SERINC5: variants seen among roughly 807,000 people sequenced by gnomAD.
SERINC5 encodes the protein serine incorporator 5.
Under a neutral mutation model 63.1 loss-of-function variants are expected in SERINC5, and 41 were observed. That is an observed-to-expected ratio of 0.65 (90% CI 0.51 to 0.84). The LOEUF (loss-of-function observed/expected upper bound fraction) is 0.84, where lower values mean the gene tolerates loss of function less well. SERINC5 is among the 40% of genes least tolerant of loss of function. The pLI is 0.00. For missense variants in SERINC5, 523 were observed against 573.0 expected, an observed-to-expected ratio of 0.91 and a Z score of 0.89; for synonymous variants, 222 against 215.2, an observed-to-expected ratio of 1.03 and a Z score of -0.28.
At chr5:80,152,999 C>T (rs764374064) in intron 8 of SERINC5, among the ~76,000 whole-genome samples, 1 of 152,166 alleles carries the variant, frequency 6.6e-6, no homozygotes, top group African/African-American at 2.4e-5. Context: ...TTTGGGTTAA[C>T]GTAATTTCCG....
In SERINC5 at chr5:80,201,194, C is replaced by T. The variant is rs536552558; in HGVS notation, c.195+1692G>A. 3.3e-5 allele frequency among the ~76,000 whole-genome samples: 5 copies of T among 152,300 alleles called. No homozygotes were observed. The East Asian group carries it at 7.7e-4, about 24-fold the overall frequency. ...GCAAACGTTTGCTCAGGTGTTGCCC[C>T]GGGCAATGTCATCCCTACTGTGGGC... On this transcript the variant is annotated intron_variant, in intron 2 of 11. Coordinates refer to ENST00000507668, the MANE Select transcript of SERINC5 (RefSeq NM_001174072.3).
intron 7 of SERINC5, among the ~76,000 whole-genome samples, chr5:80,164,921 T>TTTTG: frequency 7.2e-6 from 1 of 139,462 alleles, no homozygotes; most frequent in African/African-American, 2.7e-5. Context: ...TTTTTTTTTT[T>TTTTG]TTTTTTTTTT....
intron 1 of SERINC5, among the ~76,000 whole-genome samples, chr5:80,222,408 C>T (rs1203265098): frequency 2.0e-5 from 3 of 152,080 alleles, no homozygotes; most frequent in African/African-American, 4.8e-5. Flanking sequence ...TAGGTGTCTA[C>T]AAGGAGACTC....
At chr5:80,192,033 C>G (rs752097475) in intron 2 of SERINC5, among the ~76,000 whole-genome samples, 1 of 152,226 alleles carries the variant, frequency 6.6e-6, no homozygotes, top group Non-Finnish European at 1.5e-5. Context: ...GGAACATAGC[C>G]ACACTGGTTG....
chr5:80,167,627 CT>C (rs1175957177), intron 6 of SERINC5, among the ~76,000 whole-genome samples: 23 of 152,210 alleles, frequency 1.5e-4, no homozygotes, highest in Admixed American at 8.5e-4. Context: ...GTTTTTAGGT[CT>C]TTGAGGAATT....
At chr5:80,192,665 GA>G (rs1749261826) in intron 2 of SERINC5, among the ~76,000 whole-genome samples, 2 of 152,252 alleles carry the variant, frequency 1.3e-5, no homozygotes, top group South Asian at 4.1e-4. Context: ...CCAGCATGTC[GA>G]AAGATAATTT....
At chr5:80,206,984 A>G (rs2112501963) in intron 1 of SERINC5, among the ~76,000 whole-genome samples, 1 of 151,066 alleles carries the variant, frequency 6.6e-6, no homozygotes, top group East Asian at 1.9e-4. Flanking sequence ...GTGGTCTTAG[A>G]TAACTTCTCA....
chr5:80,213,245 C>CAAAAAAAAAAAGAAAG (rs57289084), intron 1 of SERINC5, among the ~76,000 whole-genome samples: 2 of 132,686 alleles, frequency 1.5e-5, no homozygotes, highest in African/African-American at 2.9e-5. Flanking sequence ...GACTGCATCT[C>CAAAAAAAAAAAGAAAG]AAAGAAAGAA....
At chr5:80,131,053 T>A (rs1744926645) in intron 11 of SERINC5, among the ~76,000 whole-genome samples, 2 of 152,212 alleles carry the variant, frequency 1.3e-5, no homozygotes, top group Admixed American at 1.3e-4. Context: ...ACTGAAAATG[T>A]AATACATATT....
chr5:80,237,644 C>T (rs1308385729), intron 1 of SERINC5, among the ~76,000 whole-genome samples: 1 of 151,934 alleles, frequency 6.6e-6, no homozygotes, highest in Non-Finnish European at 1.5e-5. Context: ...GTTGCCAGTT[C>T]TCTCTAATAA....
intron 5 of SERINC5, among the ~76,000 whole-genome samples, chr5:80,172,262 G>A (rs545227905): frequency 3.8e-4 from 57 of 151,962 alleles, no homozygotes; most frequent in African/African-American, 1.3e-3. Flanking sequence ...CAGAGGCTGC[G>A]GTGAGCCCAG....
intron 1 of SERINC5, among the ~76,000 whole-genome samples, chr5:80,228,034 C>A (rs112599366): frequency 0.11 from 15,843 of 145,804 alleles, 967 homozygotes; most frequent in Middle Eastern, 0.14. Flanking sequence ...CCAGCCTGGG[C>A]AACATGGCAA....
intron 1 of SERINC5, among the ~76,000 whole-genome samples, chr5:80,216,068 G>A (rs1383393398): frequency 1.3e-5 from 2 of 152,170 alleles, no homozygotes; most frequent in Non-Finnish European, 2.9e-5. Context: ...AGGTTGGTGA[G>A]ATCTATAAGG....
intron 9 of SERINC5, among the ~76,000 whole-genome samples, chr5:80,150,394 C>T (rs1055354768): frequency 2.0e-5 from 3 of 152,156 alleles, no homozygotes; most frequent in African/African-American, 7.2e-5. Context: ...TCATTTTAAT[C>T]CCATAGCATA....
chr5:80,143,262 C>T lies in SERINC5; in HGVS notation c.*401G>A, dbSNP rs148748169. ...TGAGAGGGGTCTGGATTCTGTTAGGCGCTGGGGACTCAAGATTTTGGCATG... is the reference window on the plus strand; with the variant it reads ...TGAGAGGGGTCTGGATTCTGTTAGGTGCTGGGGACTCAAGATTTTGGCATG... On this transcript the variant is annotated 3_prime_UTR_variant, in exon 12 of 12. Transcript: ENST00000507668. 3.0e-5 allele frequency: 30 copies of T among 1,001,024 alleles called. No individual in the cohort carries two copies. Among genetic ancestry groups the T allele is most frequent in the African/African-American group, 5.2e-5 (3 of 57,372 alleles). The allele number at this position is 1,001,024 out of a possible 1,614,324, so 62.0% of individuals were successfully genotyped here. A position where few individuals can be genotyped will look rare whatever the true frequency, so the allele number is the denominator to read the frequency against.
In SERINC5 at chr5:80,177,996, A is replaced by T; in HGVS notation, c.264T>A (p.Tyr88Ter). Residue 88 changes from tyrosine (Y) to a stop codon, truncating the protein, a stop_gained, in exon 3 of 12, where the codon TAT (tyrosine) becomes TAA (stop). Transcript: ENST00000507668. LOFTEE classifies it high-confidence loss of function. ...AGDTCEKLVG[Y>*]SAVYRVCFGM... The stretch of plus-strand genomic sequence containing the variant: ...CAAAACAGACTCTATACACGGCAGA[A>T]TATCCCACCAGCTTCTCACAGGTGT... 1 of 1,612,850 alleles carries T rather than the reference A, an allele frequency of 6.2e-7. No homozygotes were observed. Among genetic ancestry groups the T allele is most frequent in the Non-Finnish European group, 8.5e-7 (1 of 1,179,332 alleles).
intron 1 of SERINC5, among the ~76,000 whole-genome samples, chr5:80,212,459 T>C (rs905727044): frequency 3.9e-5 from 6 of 152,172 alleles, no homozygotes; most frequent in Non-Finnish European, 7.3e-5. Flanking sequence ...CCCTTCCTTC[T>C]CTTTTGAAGC....
intron 1 of SERINC5, among the ~76,000 whole-genome samples, chr5:80,217,055 T>C (rs975786865): frequency 3.9e-5 from 6 of 152,160 alleles, no homozygotes; most frequent in African/African-American, 1.2e-4. Flanking sequence ...TCGTTTCATT[T>C]ATAAAGTAAG....
At chr5:80,116,294 G>C in intron 11 of SERINC5, 1 of 456,082 alleles carries the variant, frequency 2.2e-6, no homozygotes. Flanking sequence ...GTATTCTTAA[G>C]AGGCCTTAAG....
Sources: gnomAD v4.1 joint callset for allele counts (sites outside exome capture counted in the v4.1 genomes callset) on GRCh38, gnomAD v4.1.1 for gene constraint, MANE v1.5 for transcripts, NCBI Gene and HGNC (gene_info 2026-07-23, HGNC 2026-07-21) for gene names.